Variants in DPP10 observed in about 807,000 individuals in gnomAD.
The protein encoded by DPP10 is inactive dipeptidyl peptidase 10.
In DPP10, 33 loss-of-function variants were observed where a neutral mutation model predicts 120.9. That is an observed-to-expected ratio of 0.27 (90% confidence interval 0.21 to 0.37). The LOEUF (loss-of-function observed/expected upper bound fraction) is 0.37. DPP10 is among the 10% of genes least tolerant of loss of function. DPP10 has a pLI of 1.00. For synonymous variants in DPP10, 337 were observed against 326.1 expected, an observed-to-expected ratio of 1.03 and a Z score of -0.36; for missense variants, 816 against 942.8, an observed-to-expected ratio of 0.87 and a Z score of 1.76.
At chr2:115,723,449 A>G (rs952016908) in intron 7 of DPP10, among the ~76,000 whole-genome samples, 2 of 152,126 alleles carry the variant, frequency 1.3e-5, no homozygotes, top group East Asian at 1.9e-4. Flanking sequence ...ATGTTATTAT[A>G]TGGTGTGGAT....
Position 114,523,554 on chromosome 2 carries a change from G to A in DPP10, c.60+80716G>A, listed in dbSNP as rs139137042. On this transcript the variant is annotated intron_variant, in intron 1 of 25. Coordinates refer to ENST00000410059, the MANE Select transcript of DPP10 (RefSeq NM_020868.6). ...TTATCCTTTATTATGGCTTATAAATGTCAGTTTTCAGTGTCTGAATGCATT... is the reference window on the plus strand; with the variant it reads ...TTATCCTTTATTATGGCTTATAAATATCAGTTTTCAGTGTCTGAATGCATT... Among the ~76,000 whole-genome samples the A allele has an allele frequency of 5.5e-4, 83 of 152,268 alleles. 2 individuals carry two copies. The East Asian group carries it at 0.015, about 27-fold the overall frequency.
intron 1 of DPP10, among the ~76,000 whole-genome samples, chr2:114,512,734 A>C (rs867948393): frequency 5.9e-5 from 9 of 152,174 alleles, no homozygotes; most frequent in Non-Finnish European, 1.0e-4. Context: ...CCAAAGCATG[A>C]GCATATTTAG....
chr2:115,071,428 G>A (rs2105455999), intron 1 of DPP10, among the ~76,000 whole-genome samples: 1 of 152,266 alleles, frequency 6.6e-6, no homozygotes, highest in South Asian at 2.1e-4. Flanking sequence ...GTGTTGCCTG[G>A]GAAGAGAGAT....
At chr2:115,347,361 G>C (rs2063759470) in intron 3 of DPP10, among the ~76,000 whole-genome samples, 1 of 152,080 alleles carries the variant, frequency 6.6e-6, no homozygotes. Context: ...AGGGTCTTAT[G>C]ATCTATTATC....
chr2:114,592,611 C>G (rs977194048), intron 1 of DPP10, among the ~76,000 whole-genome samples: 1 of 151,784 alleles, frequency 6.6e-6, no homozygotes, highest in East Asian at 1.9e-4. Context: ...AAAAAAAGCT[C>G]TCATCAAAAG....
chr2:115,522,416 C>T (rs536339680), intron 4 of DPP10, among the ~76,000 whole-genome samples: 1 of 152,286 alleles, frequency 6.6e-6, no homozygotes, highest in South Asian at 2.1e-4. Context: ...TCAGTGTCTG[C>T]CTGGGGGCTT....
intron 5 of DPP10, among the ~76,000 whole-genome samples, chr2:115,545,591 T>C (rs2079452144): frequency 6.6e-6 from 1 of 152,122 alleles, no homozygotes; most frequent in African/African-American, 2.4e-5. Flanking sequence ...GTGAGAGACT[T>C]GGTGTGGTAG....
At chr2:115,762,921 C>T (rs1030765154) in intron 12 of DPP10, among the ~76,000 whole-genome samples, 3 of 152,168 alleles carry the variant, frequency 2.0e-5, no homozygotes, top group Admixed American at 6.5e-5. Flanking sequence ...AACTAGAAAT[C>T]ATTAGCATTG....
At chr2:115,334,230 G>GTTTTTTTTTTTTTTTTTTTTTTTTTGT in intron 2 of DPP10, among the ~76,000 whole-genome samples, 3 of 56,390 alleles carry the variant, frequency 5.3e-5, no homozygotes, top group Non-Finnish European at 1.2e-4. Flanking sequence ...AGCAGACTCT[G>GTTTTTTTTTTTTTTTTTTTTTTTTTGT]TTTTTTTTTT....
intron 1 of DPP10, among the ~76,000 whole-genome samples, chr2:114,462,583 A>G (rs1439523843): frequency 6.6e-6 from 1 of 152,194 alleles, no homozygotes; most frequent in African/African-American, 2.4e-5. Flanking sequence ...GAAGGGATAT[A>G]CTATTCAATT....
At chr2:115,802,331 A>G (rs916438773) in intron 19 of DPP10, among the ~76,000 whole-genome samples, 2 of 150,474 alleles carry the variant, frequency 1.3e-5, no homozygotes, top group African/African-American at 4.9e-5. Context: ...TCTTTTCTTC[A>G]TTAGTCTTCC....
chr2:115,633,382 G>A (rs1170659284), intron 5 of DPP10, among the ~76,000 whole-genome samples: 1 of 152,108 alleles, frequency 6.6e-6, no homozygotes, highest in African/African-American at 2.4e-5. Flanking sequence ...ATTGAACAAT[G>A]AGAACACTTG....
intron 5 of DPP10, among the ~76,000 whole-genome samples, chr2:115,590,947 T>A (rs1575268757): frequency 6.6e-6 from 1 of 152,236 alleles, no homozygotes; most frequent in Non-Finnish European, 1.5e-5. Flanking sequence ...CATGTGTCTG[T>A]TGGCTGCATA....
rs548025854 is a variant in DPP10, at chr2:115,454,334, A to G, written c.272-45176A>G. Among the ~76,000 whole-genome samples, 12 of 151,894 alleles carry G rather than the reference A, an allele frequency of 7.9e-5. No homozygotes were observed. In the South Asian group the frequency reaches 2.5e-3, roughly 31 times the overall value. ...CATAAATGTAGAGGCGGAAGTCTTT[A>G]ACAAAATATTAACAAACTAAATTCA... On this transcript the variant is annotated intron_variant, in intron 3 of 25. Transcript: ENST00000410059.
At chr2:114,753,811 A>T (rs2106058861) in intron 1 of DPP10, among the ~76,000 whole-genome samples, 1 of 143,528 alleles carries the variant, frequency 7.0e-6, no homozygotes, top group South Asian at 2.4e-4. Flanking sequence ...TCAGAGGCTG[A>T]GGCAGGAGAA....
chr2:115,474,587 A>G (rs2074949139), intron 3 of DPP10, among the ~76,000 whole-genome samples: 1 of 152,144 alleles, frequency 6.6e-6, no homozygotes, highest in Non-Finnish European at 1.5e-5. Context: ...CTAAGGAGCA[A>G]CTGATTCAAG....
intron 1 of DPP10, among the ~76,000 whole-genome samples, chr2:115,212,848 AAT>A (rs1013989683): frequency 6.6e-6 from 1 of 152,150 alleles, no homozygotes; most frequent in Non-Finnish European, 1.5e-5. Context: ...AAATGAGTTT[AAT>A]ATGTCATTAT....
chr2:114,461,733 G>A (rs1321909768), intron 1 of DPP10: 39 of 985,310 alleles, frequency 4.0e-5, no homozygotes, highest in Non-Finnish European at 4.6e-5. Context: ...CCAGGGACAT[G>A]TTAATTAAAC....
chr2:115,663,652 T>G (rs1165263323), intron 5 of DPP10, among the ~76,000 whole-genome samples: 1 of 152,172 alleles, frequency 6.6e-6, no homozygotes, highest in African/African-American at 2.4e-5. Context: ...AGTTGTTTTG[T>G]GTAGAGAACA....
Sources: gnomAD v4.1 joint callset for allele counts (sites outside exome capture counted in the v4.1 genomes callset) on GRCh38, gnomAD v4.1.1 for gene constraint, MANE v1.5 for transcripts, NCBI Gene and HGNC (gene_info 2026-07-23, HGNC 2026-07-21) for gene names.